MBD5: variants seen among roughly 807,000 people sequenced by gnomAD.
The protein encoded by MBD5 is methyl-CpG binding domain protein 5.
Under a neutral mutation model 117.3 loss-of-function variants are expected in MBD5, and 13 were observed. That is an observed-to-expected ratio of 0.11 (90% CI 0.07 to 0.18). The LOEUF (loss-of-function observed/expected upper bound fraction) is 0.18, where lower values mean the gene tolerates loss of function less well. MBD5 is among the 10% of genes least tolerant of loss of function. The pLI, the probability that MBD5 is intolerant of heterozygous loss-of-function variation, is 1.00. For missense variants in MBD5, 1,879 were observed against 2,093.8 expected (o/e 0.90, Z 2.00); for synonymous variants, 727 against 766.4 (o/e 0.95, Z 0.85).
At chr2:148,363,915 A>G (rs967388627) in intron 4 of MBD5, among the ~76,000 whole-genome samples, 13 of 152,184 alleles carry the variant, frequency 8.5e-5, no homozygotes, top group Non-Finnish European at 1.8e-4. Context: ...AAGTTGGAAA[A>G]CACTCTTCAG....
intron 4 of MBD5, among the ~76,000 whole-genome samples, chr2:148,448,660 T>C (rs1706637665): frequency 6.6e-6 from 1 of 152,064 alleles, no homozygotes; most frequent in Non-Finnish European, 1.5e-5. Context: ...AGTAAAAGTG[T>C]ATATAAATAT....
intron 1 of MBD5, among the ~76,000 whole-genome samples, chr2:148,023,455 A>G (rs2105531579): frequency 6.6e-6 from 1 of 152,194 alleles, no homozygotes; most frequent in Non-Finnish European, 1.5e-5. Context: ...ATATGATCTT[A>G]TTTCCCTTCT....
rs898631649 is a variant in MBD5 at position 148,084,065 on chromosome 2, C to CTTTTTT, written c.-925+62384_-925+62385insTTTTTT. Among the ~76,000 whole-genome samples the CTTTTTT allele has an allele frequency of 9.2e-4, 140 of 152,284 alleles. 1 individual carries two copies. The highest frequency in any genetic ancestry group is 3.2e-3 in the African/African-American group (131 of 41,554). ...AGATTGAAAACTTGATGTAGAAATGCTTTATAAAGTCTCTCGTTTTGCTGT... is the reference window on the plus strand; with the variant it reads ...AGATTGAAAACTTGATGTAGAAATGCTTTTTTTTTATAAAGTCTCTCGTTTTGCTGT... On this transcript the variant is annotated intron_variant, in intron 1 of 13. Coordinates refer to ENST00000642680, the MANE Select transcript of MBD5 (RefSeq NM_001378120.1).
At chr2:148,373,077 G>A (rs1052607237) in intron 4 of MBD5, among the ~76,000 whole-genome samples, 4 of 152,014 alleles carry the variant, frequency 2.6e-5, no homozygotes, top group Admixed American at 6.6e-5. Flanking sequence ...AAAGAATTAC[G>A]TTTTGATATG....
intron 4 of MBD5, among the ~76,000 whole-genome samples, chr2:148,373,872 T>C (rs924385500): frequency 6.6e-6 from 1 of 152,138 alleles, no homozygotes; most frequent in Non-Finnish European, 1.5e-5. Context: ...CTTTCAGTGA[T>C]GAATACAGGC....
chr2:148,148,831 C>T (rs998010662), intron 1 of MBD5, among the ~76,000 whole-genome samples: 32 of 152,100 alleles, frequency 2.1e-4, no homozygotes, highest in African/African-American at 7.0e-4. Flanking sequence ...TTAAAATGAA[C>T]TTATCATCTT....
intron 9 of MBD5, chr2:148,485,092 A>T (rs1231542855): frequency 6.6e-6 from 1 of 152,170 alleles, no homozygotes; most frequent in African/African-American, 2.4e-5. Flanking sequence ...TAATTTCAAA[A>T]TAATTTTGAA....
chr2:148,223,661 G>A (rs1193208213), intron 2 of MBD5, among the ~76,000 whole-genome samples: 1 of 151,792 alleles, frequency 6.6e-6, no homozygotes, highest in Non-Finnish European at 1.5e-5. Flanking sequence ...TTTTCCTAGT[G>A]TGGCCAAAAG....
Position 148,516,161 on chromosome 2 carries a change from C to G in MBD5, c.*3220C>G, listed in dbSNP as rs534160258. The G allele has an allele frequency of 5.9e-5, 9 of 152,274 alleles. No homozygotes were observed. The highest frequency in any genetic ancestry group is 2.2e-4 in the African/African-American group (9 of 41,550). The allele number at this position is 152,274 out of a possible 1,614,324, so 9.4% of individuals were successfully genotyped here. A position where few individuals can be genotyped will look rare whatever the true frequency, so the allele number is the denominator to read the frequency against. ...ACTTTCTGTAAGTTTTAGGAAGATT[C>G]TTATATCCTACGAGGTGACTCATGT... On this transcript the variant is annotated 3_prime_UTR_variant, in exon 14 of 14. Transcript: ENST00000642680.
At chr2:148,455,980 C>T (rs1405175898) in intron 4 of MBD5, among the ~76,000 whole-genome samples, 3 of 152,052 alleles carry the variant, frequency 2.0e-5, no homozygotes, top group South Asian at 2.1e-4. Context: ...CTTTCACAAG[C>T]GCTAGAAATT....
intron 1 of MBD5, among the ~76,000 whole-genome samples, chr2:148,120,012 G>C (rs1293100926): frequency 6.6e-6 from 1 of 151,978 alleles, no homozygotes; most frequent in Non-Finnish European, 1.5e-5. Flanking sequence ...AATGTCCAGG[G>C]CTCAAGCCAT....
At chr2:148,508,145 A>T (rs1267809843) in intron 12 of MBD5, among the ~76,000 whole-genome samples, 2 of 152,170 alleles carry the variant, frequency 1.3e-5, no homozygotes. Context: ...AGCAAACCCT[A>T]GGTGGCCTTG....
chr2:148,246,003 T>C (rs900954487), intron 3 of MBD5, among the ~76,000 whole-genome samples: 1 of 152,138 alleles, frequency 6.6e-6, no homozygotes, highest in African/African-American at 2.4e-5. Flanking sequence ...GAAAATGAAG[T>C]CATAGGATAC....
At chr2:148,324,511 C>T (rs1010298111) in intron 3 of MBD5, among the ~76,000 whole-genome samples, 1 of 152,028 alleles carries the variant, frequency 6.6e-6, no homozygotes, top group Non-Finnish European at 1.5e-5. Context: ...CTTTTATTTC[C>T]TTGAGCAGTG....
At chr2:148,244,465 A>G (rs895211733) in intron 3 of MBD5, 3 of 152,306 alleles carry the variant, frequency 2.0e-5, no homozygotes, top group Non-Finnish European at 4.4e-5. Flanking sequence ...CCTTCATTCA[A>G]TCTATATTAT....
chr2:148,180,325 T>C (rs1698495244), intron 2 of MBD5, among the ~76,000 whole-genome samples: 1 of 132,192 alleles, frequency 7.6e-6, no homozygotes, highest in Admixed American at 7.7e-5. Flanking sequence ...CAGATCCTTC[T>C]AGTAAAAAAA....
chr2:148,183,539 G>A (rs927790421), intron 2 of MBD5, among the ~76,000 whole-genome samples: 1 of 151,186 alleles, frequency 6.6e-6, no homozygotes, highest in East Asian at 1.9e-4. Flanking sequence ...AAAATTGGAT[G>A]TATATATATC....
chr2:148,232,680 C>A (rs937116063), intron 2 of MBD5, among the ~76,000 whole-genome samples: 2 of 150,060 alleles, frequency 1.3e-5, no homozygotes, highest in African/African-American at 4.9e-5. Context: ...GACATAGTCT[C>A]ACTATGTTGC....
At chr2:148,282,746 T>A (rs190434376) in intron 3 of MBD5, among the ~76,000 whole-genome samples, 2 of 151,866 alleles carry the variant, frequency 1.3e-5, no homozygotes, top group Admixed American at 1.3e-4. Context: ...ATATATGATA[T>A]ATTAATTTGT....
Sources: allele counts gnomAD v4.1 joint callset (sites outside exome capture counted in the v4.1 genomes callset), GRCh38; gene constraint gnomAD v4.1.1; transcripts MANE v1.5; gene names NCBI Gene and HGNC (gene_info 2026-07-23, HGNC 2026-07-21).